Variants in ZEB1 observed in about 807,000 individuals in gnomAD.
ZEB1 encodes zinc finger E-box-binding homeobox 1.
A neutral mutation model predicts 84.9 loss-of-function variants in ZEB1; 21 were observed. The ratio of observed to expected loss-of-function variants is 0.25; its 90% confidence interval spans 0.18 to 0.36. The LOEUF (loss-of-function observed/expected upper bound fraction) is 0.36. Among genes scored for constraint, ZEB1 ranks in the 10% least tolerant of loss-of-function variants. ZEB1 has a pLI of 1.00. For missense variants in ZEB1, 1,104 were observed against 1,330.2 expected (o/e 0.83, Z 2.65); for synonymous variants, 420 against 471.1 (o/e 0.89, Z 1.41).
intron 4 of ZEB1, among the ~76,000 whole-genome samples, chr10:31,506,529 C>A (rs2069007124): frequency 2.0e-5 from 3 of 151,966 alleles, no homozygotes; most frequent in Admixed American, 6.6e-5. Flanking sequence ...CCTTCTTTGT[C>A]CCCTTATACT....
chr10:31,427,683 C>G (rs1342692198), intron 1 of ZEB1, among the ~76,000 whole-genome samples: 1 of 152,118 alleles, frequency 6.6e-6, no homozygotes, highest in East Asian at 1.9e-4. Context: ...GAAACCCCAT[C>G]TCTACTAAAA....
intron 1 of ZEB1, among the ~76,000 whole-genome samples, chr10:31,403,654 T>C (rs2052466121): frequency 6.6e-6 from 1 of 152,046 alleles, no homozygotes; most frequent in Non-Finnish European, 1.5e-5. Context: ...TCAACATTCT[T>C]ACAGATTTTC....
At chr10:31,382,118 C>A (rs181413523) in intron 1 of ZEB1, among the ~76,000 whole-genome samples, 2 of 151,822 alleles carry the variant, frequency 1.3e-5, no homozygotes, top group East Asian at 3.9e-4. Context: ...TACACAAATC[C>A]CTGTGGCTGA....
chr10:31,319,330 G>A (rs759668152), intron 1 of ZEB1, 38 bp downstream of exon 1: 4 of 1,592,600 alleles, frequency 2.5e-6, no homozygotes, highest in Admixed American at 3.6e-5. Flanking sequence ...GCGGAGTCAG[G>A]GGGAGCTGGG....
At chr10:31,455,654 A>G (rs915084181) in intron 1 of ZEB1, among the ~76,000 whole-genome samples, 4 of 152,266 alleles carry the variant, frequency 2.6e-5, no homozygotes, top group East Asian at 3.8e-4. Context: ...GACATATGAA[A>G]AAATGCTCAT....
chr10:31,340,591 C>T (rs1015852583), intron 1 of ZEB1, among the ~76,000 whole-genome samples: 2 of 152,130 alleles, frequency 1.3e-5, no homozygotes, highest in African/African-American at 4.8e-5. Flanking sequence ...TGTTTGCCTA[C>T]CATGTTCTAG....
chr10:31,412,383 A>G (rs996074906), intron 1 of ZEB1, among the ~76,000 whole-genome samples: 6 of 152,258 alleles, frequency 3.9e-5, no homozygotes, highest in Admixed American at 6.5e-5. Flanking sequence ...TACATTAGGT[A>G]TATCTCCTGA....
At chr10:31,462,509 A>G (rs2061933431) in intron 2 of ZEB1, among the ~76,000 whole-genome samples, 1 of 152,216 alleles carries the variant, frequency 6.6e-6, no homozygotes, top group South Asian at 2.1e-4. Flanking sequence ...GTCGTAGAAG[A>G]GTTCTGAGTG....
chr10:31,413,014 C>T (rs930492144), intron 1 of ZEB1, among the ~76,000 whole-genome samples: 18 of 152,138 alleles, frequency 1.2e-4, no homozygotes, highest in South Asian at 2.1e-4. Context: ...GCCATAGAAT[C>T]GATGGACAAA....
chr10:31,343,977 C>A (rs1160968410), intron 1 of ZEB1, among the ~76,000 whole-genome samples: 1 of 151,938 alleles, frequency 6.6e-6, no homozygotes, highest in African/African-American at 2.4e-5. Flanking sequence ...ATAGAGGTTT[C>A]TTGGGGAAGG....
chr10:31,394,705 C>A (rs938261166), intron 1 of ZEB1, among the ~76,000 whole-genome samples: 1 of 152,148 alleles, frequency 6.6e-6, no homozygotes, highest in African/African-American at 2.4e-5. Context: ...ACTGTGGTTG[C>A]TAATTGTTCT....
chr10:31,449,402 T>G (rs1434821829), intron 1 of ZEB1, among the ~76,000 whole-genome samples: 1 of 152,184 alleles, frequency 6.6e-6, no homozygotes, highest in African/African-American at 2.4e-5. Context: ...AGCTGTAGAC[T>G]GGAGCTGTTC....
intron 1 of ZEB1, among the ~76,000 whole-genome samples, chr10:31,430,773 A>G (rs776913292): frequency 2.0e-5 from 3 of 152,228 alleles, no homozygotes; most frequent in Non-Finnish European, 4.4e-5. Flanking sequence ...CTTTTTAGCT[A>G]CAGAAACAAA....
intron 4 of ZEB1, among the ~76,000 whole-genome samples, chr10:31,507,253 G>T (rs2069138902): frequency 6.6e-6 from 1 of 152,032 alleles, no homozygotes; most frequent in South Asian, 2.1e-4. Context: ...TTCTCGTGTT[G>T]TTTTTAGAAT....
At chr10:31,410,737 G>T (rs944574882) in intron 1 of ZEB1, among the ~76,000 whole-genome samples, 2 of 152,122 alleles carry the variant, frequency 1.3e-5, no homozygotes, top group African/African-American at 4.8e-5. Flanking sequence ...TCTTGGGAGG[G>T]TATATGTGTC....
intron 1 of ZEB1, among the ~76,000 whole-genome samples, chr10:31,445,341 T>C (rs2059617406): frequency 6.7e-6 from 1 of 149,896 alleles, no homozygotes; most frequent in South Asian, 2.1e-4. Flanking sequence ...TTTCTAGATA[T>C]ACAATCATGT....
chr10:31,490,956 T>C (rs2066443947), intron 2 of ZEB1, among the ~76,000 whole-genome samples: 2 of 151,822 alleles, frequency 1.3e-5, no homozygotes, highest in South Asian at 4.1e-4. Flanking sequence ...TTTGAAATGC[T>C]GTTCAGATCT....
At chr10:31,333,831 C>G (rs1214124508) in intron 1 of ZEB1, among the ~76,000 whole-genome samples, 1 of 151,932 alleles carries the variant, frequency 6.6e-6, no homozygotes, top group Non-Finnish European at 1.5e-5. Context: ...CCTTAAAAAG[C>G]ATATTCTCGC....
chr10:31,365,335 G>C (rs1249085807), intron 1 of ZEB1, among the ~76,000 whole-genome samples: 1 of 152,144 alleles, frequency 6.6e-6, no homozygotes, highest in African/African-American at 2.4e-5. Flanking sequence ...ATGCCCAAGA[G>C]AGGGACATAC....
Sources: allele counts gnomAD v4.1 joint callset (sites outside exome capture counted in the v4.1 genomes callset), GRCh38; gene constraint gnomAD v4.1.1; transcripts MANE v1.5; gene names NCBI Gene and HGNC (gene_info 2026-07-23, HGNC 2026-07-21).